The following TFEB variants were observed in gnomAD, a reference collection of about 807,000 sequenced individuals.
TFEB encodes T-cell transcription factor EB.
Under a neutral mutation model 48.0 loss-of-function variants are expected in TFEB, and 12 were observed. The ratio of observed to expected loss-of-function variants is 0.25; its 90% CI spans 0.16 to 0.40. The LOEUF (loss-of-function observed/expected upper bound fraction) is 0.40. Ranked by LOEUF, TFEB falls within the 10% of genes least tolerant of loss-of-function variation. The probability of loss-of-function intolerance (pLI) is 1.00; values close to 1 mark genes in which losing one functional copy is unlikely to be tolerated. For missense variants in TFEB, 509 were observed against 640.3 expected (o/e 0.79, Z 2.21); for synonymous variants, 244 against 261.4 (o/e 0.93, Z 0.64).
At chr6:41,686,919 A>G (rs895337625) in intron 7 of TFEB, 175 bp downstream of exon 7, 1 of 652,928 alleles carries the variant, frequency 1.5e-6, no homozygotes, top group Admixed American at 2.4e-5. Context: ...ATCTGTCTTG[A>G]GCTTTCCTGA....
intron 1 of TFEB, among the ~76,000 whole-genome samples, chr6:41,701,535 G>T (rs1014075999): frequency 6.6e-6 from 1 of 152,202 alleles, no homozygotes; most frequent in African/African-American, 2.4e-5. Flanking sequence ...CTTGGCAAAC[G>T]CTCCGAGTCC....
chr6:41,717,578 A>C (rs1488205364), intron 1 of TFEB, among the ~76,000 whole-genome samples: 2 of 152,166 alleles, frequency 1.3e-5, no homozygotes, highest in African/African-American at 4.8e-5. Context: ...ATTGCCATCT[A>C]TTAGTCTGAG....
chr6:41,689,835 G>C, intron 3 of TFEB, 24 bp from the exon 4 acceptor site: 1 of 1,603,970 alleles, frequency 6.2e-7, no homozygotes, highest in Non-Finnish European at 8.5e-7. Context: ...AAGTCCATCT[G>C]GGGAGGGCCC....
chr6:41,714,110 CGT>C lies in TFEB; in HGVS notation c.-23+21238_-23+21239del, dbSNP rs70987525. On this transcript the variant is annotated intron_variant, in intron 1 of 8. Coordinates refer to ENST00000373033, the MANE Select transcript of TFEB (RefSeq NM_001271944.2). Reference sequence around the variant, plus strand: ...TCCTGTGTGTGCGTGTGTGTGTGCACGTGTGTGTGTGTGTGCGTGTGCATGTG... The same window carrying C: ...TCCTGTGTGTGCGTGTGTGTGTGCACGTGTGTGTGTGTGCGTGTGCATGTG... Among the ~76,000 whole-genome samples the C allele has an allele frequency of 2.2e-3, 321 of 144,280 alleles. 1 individual carries two copies. Among genetic ancestry groups the C allele is most frequent in the African/African-American group, 5.6e-3 (212 of 37,638 alleles). 94.7% of individuals were successfully genotyped at this position (144,280 alleles called of 152,430 possible).
At position 41,705,118 on chromosome 6, in the gene TFEB, C is replaced by T. The variant is rs142708179; in HGVS notation, c.-22-13883G>A. The stretch of plus-strand genomic sequence containing the variant: ...CACTGCACCAGGACTTGCCTGCCTG[C>T]CCAAAGAGCAGCTCCAGAAGAGAGC... On this transcript the variant is annotated intron_variant, in intron 1 of 8. Transcript: ENST00000373033. Among the ~76,000 whole-genome samples, 502 of 152,342 alleles carry T rather than the reference C, an allele frequency of 3.3e-3. 10 individuals are homozygous for T. Among genetic ancestry groups the T allele is most frequent in the Admixed American group, 0.028 (425 of 15,302 alleles).
rs375744205 is a variant in TFEB, at chr6:41,729,910, G to A, written c.-23+5440C>T. Reference sequence around the variant, plus strand: ...GGGTAGCTGCAAAGCGGCAGGACCCGAAGGCAGTGGTTTTCCAGGTGTGCT... The same window carrying A: ...GGGTAGCTGCAAAGCGGCAGGACCCAAAGGCAGTGGTTTTCCAGGTGTGCT... On this transcript the variant is annotated intron_variant, in intron 1 of 8. Transcript: ENST00000373033. Among the ~76,000 whole-genome samples the A allele has an allele frequency of 6.4e-4, 97 of 152,348 alleles. 3 individuals are homozygous for A. In the South Asian group the frequency reaches 0.018, roughly 28 times the overall value.
chr6:41,721,011 A>G (rs776132833), intron 1 of TFEB, among the ~76,000 whole-genome samples: 2 of 151,494 alleles, frequency 1.3e-5, no homozygotes, highest in Admixed American at 6.6e-5. Flanking sequence ...GTAGCTCTCC[A>G]GCCCCCAGCC....
intron 1 of TFEB, among the ~76,000 whole-genome samples, chr6:41,729,286 C>T (rs1310655142): frequency 6.6e-6 from 1 of 152,130 alleles, no homozygotes; most frequent in Non-Finnish European, 1.5e-5. Context: ...ACAGAGACTC[C>T]ACTACCTCCA....
rs772819310 is a variant in TFEB, at chr6:41,684,636, C to T, written c.1394G>A (p.Arg465Gln). Residue 465 changes from arginine to glutamine, a missense_variant, in exon 9 of 9, where the codon CGG becomes CAG. Physicochemically the swap from Arg to Gln is conservative, Grantham distance 43. Coordinates refer to ENST00000373033, the MANE Select transcript of TFEB (RefSeq NM_001271944.2). ...SPEASKASSR[R>Q]SSFSMEEGDV... ...GCCCTCCTCCATGCTGAAGCTGCTC[C>T]GGCGGCTGCTGGCCTTGGAGGCCTC... 5.8e-5 allele frequency: 93 copies of T among 1,606,572 alleles called. No homozygotes were observed. Among genetic ancestry groups the T allele is most frequent in the Non-Finnish European group, 6.1e-5 (72 of 1,176,636 alleles).
Position 41,684,700 on chromosome 6 carries a change from G to A in TFEB, c.1330C>T (p.Pro444Ser), listed in dbSNP as rs1447698474. Residue 444 changes from proline (P) to serine (S), a missense_variant, in exon 9 of 9, where the codon CCG becomes TCG. Physicochemically the swap from Pro to Ser is moderately conservative, Grantham distance 74. Around this residue, in one of 4 missense-constraint regions of TFEB, gnomAD observed 168 missense variants for 161.0 expected, o/e 1.04. Coordinates refer to ENST00000373033, the MANE Select transcript of TFEB (RefSeq NM_001271944.2). ...GACAGAAGTGGATCAGAGGCCAGCG[G>A]TAGCAGTGAGTCGTCCAGGAGCATG... ...DLMLLDDSLL[P>S]LASDPLLSTM... 2 of 1,613,732 alleles carry A rather than the reference G, an allele frequency of 1.2e-6. No homozygotes were observed. Among genetic ancestry groups the A allele is most frequent in the Non-Finnish European group, 8.5e-7 (1 of 1,179,904 alleles).
chr6:41,713,013 C>T (rs540847869), intron 1 of TFEB, among the ~76,000 whole-genome samples: 8 of 152,308 alleles, frequency 5.3e-5, no homozygotes, highest in East Asian at 3.9e-4. Context: ...GGACCTATTA[C>T]GTAATCTGGG....
intron 6 of TFEB, 50 bp from the exon 7 acceptor site, chr6:41,687,219 C>T (rs773337355): frequency 6.3e-7 from 1 of 1,591,052 alleles, no homozygotes; most frequent in South Asian, 1.1e-5. Flanking sequence ...GGGGACCCCC[C>T]ACCCCATGGG....
intron 4 of TFEB, 56 bp downstream of exon 4, chr6:41,689,675 T>C: frequency 7.1e-7 from 1 of 1,413,574 alleles, no homozygotes; most frequent in Non-Finnish European, 1.0e-6. Flanking sequence ...AGAGCCACAG[T>C]GGGTGCCCCC....
chr6:41,687,431 A>G (rs1367750430), intron 6 of TFEB, among the ~76,000 whole-genome samples: 1 of 152,244 alleles, frequency 6.6e-6, no homozygotes, highest in Non-Finnish European at 1.5e-5. Flanking sequence ...TGCCTGGGGT[A>G]GGACTCTTCC....
upstream of TFEB, among the ~76,000 whole-genome samples, chr6:41,735,913 G>A (rs1424796927): frequency 6.6e-6 from 1 of 152,198 alleles, no homozygotes; most frequent in Non-Finnish European, 1.5e-5. Flanking sequence ...CTGTCCTTCG[G>A]CAGTCTAAGA....
rs751867063 is a variant in TFEB at position 41,730,695 on chromosome 6, C to T, written c.-23+4655G>A. Among the ~76,000 whole-genome samples the T allele has an allele frequency of 1.3e-5, 2 of 152,204 alleles. No homozygotes were observed. Among genetic ancestry groups the T allele is most frequent in the African/African-American group, 2.4e-5 (1 of 41,436 alleles). Reference sequence around the variant, plus strand: ...AGTCCCAGATCCTACCCTATCACTGCGATTTTATCTCTGTCCCCAATGACA... The same window carrying T: ...AGTCCCAGATCCTACCCTATCACTGTGATTTTATCTCTGTCCCCAATGACA... On this transcript the variant is annotated intron_variant, in intron 1 of 8. Coordinates refer to ENST00000373033, the MANE Select transcript of TFEB (RefSeq NM_001271944.2). The surrounding 1 kb of genome is among the most constrained non-coding windows in gnomAD (Gnocchi z 4.1).
intron 1 of TFEB, chr6:41,733,635 C>A: frequency 1.0e-6 from 1 of 985,460 alleles, no homozygotes; most frequent in Non-Finnish European, 1.2e-6. Flanking sequence ...GGTCCTGGGG[C>A]TGGGGTCACC....
chr6:41,696,989 T>C (rs4472338), intron 1 of TFEB, among the ~76,000 whole-genome samples: 107,874 of 152,082 alleles, frequency 0.71, 38,452 homozygotes, highest in East Asian at 0.76. Context: ...AGGAAAGTTT[T>C]GTAATTTGAT....
chr6:41,727,735 G>A (rs1771272370), intron 1 of TFEB, among the ~76,000 whole-genome samples: 2 of 152,152 alleles, frequency 1.3e-5, no homozygotes, highest in African/African-American at 2.4e-5. Flanking sequence ...AGGAACAGAG[G>A]CACTGCCCCC....
Sources: allele counts gnomAD v4.1 joint callset (sites outside exome capture counted in the v4.1 genomes callset), GRCh38; gene constraint gnomAD v4.1.1; regional missense constraint gnomAD v4.1.1; non-coding constraint Gnocchi (gnomAD v3.1); transcripts MANE v1.5; gene names NCBI Gene and HGNC (gene_info 2026-07-23, HGNC 2026-07-21).